The following CEP63 variants were observed in gnomAD, a reference collection of about 807,000 sequenced individuals.
CEP63 encodes the protein centrosomal protein 63, also known as centrosomal protein of 63 kDa.
Under a neutral mutation model 89.1 loss-of-function variants are expected in CEP63, and 84 were observed. The ratio of observed to expected loss-of-function variants is 0.94; its 90% CI spans 0.79 to 1.13. The LOEUF (loss-of-function observed/expected upper bound fraction) is 1.13. Among genes scored for constraint, CEP63 ranks in the 50% most tolerant of loss-of-function variants. CEP63 has a pLI of 0.00. For missense variants in CEP63, 838 were observed against 813.3 expected (o/e 1.03, Z -0.37); for synonymous variants, 267 against 272.5 (o/e 0.98, Z 0.20).
At chr3:134,735,297 A>G in the CEP63 span, among the ~76,000 whole-genome samples, 1 of 152,046 alleles carries the variant, frequency 6.6e-6, no homozygotes, top group African/African-American at 2.4e-5. Flanking sequence ...TTTTGGATGT[A>G]CTATATTGTT....
intron 3 of CEP63, among the ~76,000 whole-genome samples, chr3:134,509,088 C>T (rs952557902): frequency 6.6e-6 from 1 of 151,460 alleles, no homozygotes; most frequent in African/African-American, 2.4e-5. Flanking sequence ...TATTTTGCTT[C>T]TTGTATTAGT....
chr3:134,753,122 G>A, the CEP63 span, among the ~76,000 whole-genome samples: 1 of 152,022 alleles, frequency 6.6e-6, no homozygotes, highest in Admixed American at 6.6e-5. Flanking sequence ...GCAATTACTC[G>A]AGCCCATGAT....
chr3:134,575,755 G>A (rs970760470), downstream of CEP63, among the ~76,000 whole-genome samples: 21 of 152,010 alleles, frequency 1.4e-4, no homozygotes, highest in African/African-American at 4.8e-4. Context: ...GTGATTACAG[G>A]TGTCTGCCAC....
chr3:134,690,619 A>G, the CEP63 span, among the ~76,000 whole-genome samples: 2 of 152,178 alleles, frequency 1.3e-5, no homozygotes, highest in Non-Finnish European at 1.5e-5. Context: ...CTGGGACAAT[A>G]GATCTCAAAC....
At chr3:134,638,491 T>C in the CEP63 span, among the ~76,000 whole-genome samples, 33 of 152,288 alleles carry the variant, frequency 2.2e-4, no homozygotes, top group Non-Finnish European at 3.7e-4. Context: ...GCCTCTCTCA[T>C]GCATCCCTCC....
the CEP63 span, among the ~76,000 whole-genome samples, chr3:134,602,737 T>C: frequency 3.3e-5 from 5 of 152,138 alleles, no homozygotes; most frequent in East Asian, 3.9e-4. Context: ...CTCCAGGCCT[T>C]AGACTGAACT....
chr3:134,552,057 A>G (rs1005238392), intron 12 of CEP63, 45 bp downstream of exon 12: 1 of 1,003,422 alleles, frequency 1.0e-6, no homozygotes, highest in South Asian at 1.3e-5. Flanking sequence ...CAAGCCTTCA[A>G]AAAAATTACT....
At chr3:134,534,318 C>T (rs1950382095) in intron 5 of CEP63, among the ~76,000 whole-genome samples, 2 of 152,150 alleles carry the variant, frequency 1.3e-5, no homozygotes, top group African/African-American at 4.8e-5. Context: ...TCTACTTATT[C>T]CCACTGCCAT....
At chr3:134,761,787 TCA>T in the CEP63 span, among the ~76,000 whole-genome samples, 1 of 152,164 alleles carries the variant, frequency 6.6e-6, no homozygotes, top group Non-Finnish European at 1.5e-5. Flanking sequence ...GGAGAGCCCT[TCA>T]CTTCTTCTCC....
chr3:134,576,022 A>C (rs1466596892), downstream of CEP63, among the ~76,000 whole-genome samples: 1 of 152,210 alleles, frequency 6.6e-6, no homozygotes, highest in Non-Finnish European at 1.5e-5. Flanking sequence ...TATTGCAGAG[A>C]AATGCAATGA....
chr3:134,588,240 G>A (rs183961333), downstream of CEP63, among the ~76,000 whole-genome samples: 368 of 152,106 alleles, frequency 2.4e-3, 10 homozygotes, highest in Admixed American at 0.024. Context: ...AGTGAGCTGA[G>A]ACAGTGCGGC....
intron 5 of CEP63, 67 bp from the exon 6 acceptor site, chr3:134,537,088 G>T: frequency 1.0e-6 from 1 of 964,282 alleles, no homozygotes; most frequent in South Asian, 1.3e-5. Flanking sequence ...AAAGTTAAAG[G>T]GAGTCTGGGA....
chr3:134,652,891 C>T, the CEP63 span, among the ~76,000 whole-genome samples: 34 of 152,118 alleles, frequency 2.2e-4, 1 homozygote, highest in East Asian at 1.9e-4. Flanking sequence ...CCTTGGTTGC[C>T]GGATGGGTCT....
the CEP63 span, among the ~76,000 whole-genome samples, chr3:134,657,477 C>G: frequency 6.6e-6 from 1 of 152,056 alleles, no homozygotes; most frequent in Admixed American, 6.6e-5. Context: ...TTCACTCAAC[C>G]TGTAATGAAT....
the CEP63 span, among the ~76,000 whole-genome samples, chr3:134,687,812 C>T: frequency 6.6e-6 from 1 of 152,156 alleles, no homozygotes; most frequent in Non-Finnish European, 1.5e-5. Flanking sequence ...GGCACTGCCC[C>T]CAGGATGGGT....
At chr3:134,574,244 A>C (rs1454629043) in intron 11 of CEP63, among the ~76,000 whole-genome samples, 1 of 152,172 alleles carries the variant, frequency 6.6e-6, no homozygotes, top group Non-Finnish European at 1.5e-5. Context: ...GTGAGAAGAG[A>C]GATGGAGGAG....
At chr3:134,651,035 G>A in the CEP63 span, 28 of 1,595,804 alleles carry the variant, frequency 1.8e-5, no homozygotes, top group Non-Finnish European at 2.2e-5. Flanking sequence ...CCCCGTGCGC[G>A]CAGCTGCCCC....
the CEP63 span, among the ~76,000 whole-genome samples, chr3:134,721,219 T>C: frequency 6.6e-6 from 1 of 151,842 alleles, no homozygotes; most frequent in Non-Finnish European, 1.5e-5. Flanking sequence ...TACCTAAGTA[T>C]TTATTCTTTT....
the CEP63 span, among the ~76,000 whole-genome samples, chr3:134,649,679 T>C: frequency 6.6e-6 from 1 of 152,210 alleles, no homozygotes; most frequent in Non-Finnish European, 1.5e-5. Flanking sequence ...TACTCAGCCC[T>C]CTAGATTCTG....
Sources: gnomAD v4.1 joint callset for allele counts (sites outside exome capture counted in the v4.1 genomes callset) on GRCh38, gnomAD v4.1.1 for gene constraint, MANE v1.5 for transcripts, NCBI Gene and HGNC (gene_info 2026-07-23, HGNC 2026-07-21) for gene names.